MAD1L1: variants seen among roughly 807,000 people sequenced by gnomAD.
MAD1L1 encodes mitotic arrest deficient 1 like 1.
In MAD1L1, 95 loss-of-function variants were observed where a neutral mutation model predicts 96.9. The ratio of observed to expected loss-of-function variants is 0.98; its 90% CI spans 0.83 to 1.16. MAD1L1 has a LOEUF of 1.16. Among genes scored for constraint, MAD1L1 ranks in the 50% most tolerant of loss-of-function variants. The pLI is 0.00. For synonymous variants in MAD1L1, 473 were observed against 396.6 expected (o/e 1.19, Z -2.29); for missense variants, 1,007 against 954.4 (o/e 1.06, Z -0.73).
At chr7:1,843,330 C>CA (rs1783389069) in intron 18 of MAD1L1, among the ~76,000 whole-genome samples, 1 of 152,200 alleles carries the variant, frequency 6.6e-6, no homozygotes, top group Admixed American at 6.5e-5. Context: ...CACATTCAGG[C>CA]AAAGCTGGCC....
chr7:1,881,722 C>A (rs760795415), intron 18 of MAD1L1, among the ~76,000 whole-genome samples: 1 of 152,090 alleles, frequency 6.6e-6, no homozygotes, highest in Non-Finnish European at 1.5e-5. Flanking sequence ...TGTCACAGAC[C>A]CGACTTCACC....
intron 18 of MAD1L1, among the ~76,000 whole-genome samples, chr7:1,872,910 T>TG (rs1030126480): frequency 2.0e-5 from 3 of 151,680 alleles, no homozygotes; most frequent in East Asian, 1.9e-4. Context: ...ACACCCAGGG[T>TG]GGGGGGCGCG....
rs79702390 is a variant in MAD1L1 at position 2,100,037 on chromosome 7, A to C, written c.1074-30699T>G. The stretch of plus-strand genomic sequence containing the variant: ...TTCCTTACACTTCGCCCCCAGCCAC[A>C]CAAAGCCCAAAACCGTCTCAGGGAC... On this transcript the variant is annotated intron_variant, in intron 11 of 18. Transcript: ENST00000265854. 3.4e-3 allele frequency among the ~76,000 whole-genome samples: 521 copies of C among 152,368 alleles called. 2 individuals carry two copies. The highest frequency in any genetic ancestry group is 0.012 in the African/African-American group (498 of 41,592).
chr7:1,889,025 G>C (rs2128436241), intron 18 of MAD1L1, among the ~76,000 whole-genome samples: 1 of 152,328 alleles, frequency 6.6e-6, no homozygotes, highest in African/African-American at 2.4e-5. Context: ...GATCCACTCA[G>C]CGCAATGTGG....
At chr7:2,204,791 C>T (rs1309903945) in intron 10 of MAD1L1, among the ~76,000 whole-genome samples, 1 of 152,200 alleles carries the variant, frequency 6.6e-6, no homozygotes, top group African/African-American at 2.4e-5. Context: ...TCTTGGGTTT[C>T]TCTTAGATTA....
chr7:2,007,688 C>T (rs545889359), intron 13 of MAD1L1, among the ~76,000 whole-genome samples: 69 of 152,066 alleles, frequency 4.5e-4, no homozygotes, highest in Middle Eastern at 3.4e-3. Context: ...CTGTCCCCGC[C>T]AAAAAAAGTT....
chr7:1,900,626 C>A (rs1290121071), intron 17 of MAD1L1, among the ~76,000 whole-genome samples: 1 of 152,158 alleles, frequency 6.6e-6, no homozygotes, highest in African/African-American at 2.4e-5. Flanking sequence ...ATGGGGCTAT[C>A]GGTAGCAGGA....
chr7:1,897,448 A>G (rs751827671), intron 18 of MAD1L1, among the ~76,000 whole-genome samples: 37 of 152,146 alleles, frequency 2.4e-4, no homozygotes, highest in African/African-American at 8.0e-4. Flanking sequence ...CGGGGCCACA[A>G]TGCCACACCA....
intron 17 of MAD1L1, among the ~76,000 whole-genome samples, chr7:1,903,860 G>A (rs1281950412): frequency 3.5e-5 from 5 of 141,902 alleles, no homozygotes; most frequent in African/African-American, 1.1e-4. Flanking sequence ...GTTCCAGGCA[G>A]CGAGGACGCA....
At chr7:1,847,229 C>G (rs6954521) in intron 18 of MAD1L1, 2 of 470,218 alleles carry the variant, frequency 4.3e-6, no homozygotes, top group Non-Finnish European at 4.4e-6. Context: ...CCAACTGACG[C>G]TTGTCCTTTT....
At chr7:1,954,529 C>G (rs981810233) in intron 16 of MAD1L1, among the ~76,000 whole-genome samples, 1 of 152,128 alleles carries the variant, frequency 6.6e-6, no homozygotes, top group African/African-American at 2.4e-5. Flanking sequence ...GGCAGGAGGC[C>G]GTGGCTGCAG....
At chr7:1,972,422 T>G (rs1780445742) in intron 15 of MAD1L1, among the ~76,000 whole-genome samples, 1 of 152,158 alleles carries the variant, frequency 6.6e-6, no homozygotes, top group Non-Finnish European at 1.5e-5. Flanking sequence ...CTTGGTCGAG[T>G]CTGGTGGCTT....
chr7:2,123,611 G>A (rs527877047), intron 11 of MAD1L1, among the ~76,000 whole-genome samples: 21 of 152,274 alleles, frequency 1.4e-4, no homozygotes, highest in African/African-American at 3.4e-4. Flanking sequence ...CATGGGAGGC[G>A]TCAATCCGCT....
In MAD1L1 at chr7:1,868,410, G is replaced by A. The variant is rs575788974; in HGVS notation, c.1998+29790C>T. Among the ~76,000 whole-genome samples, 6 of 152,186 alleles carry A rather than the reference G, an allele frequency of 3.9e-5. No individual in the cohort carries two copies. The South Asian group carries it at 6.2e-4, about 16-fold the overall frequency. ...TTCCCGGGCTGCTCCCACGCAGGCC[G>A]CGCCTCCCGGGCTGCGTGCTGCTGG... On this transcript the variant is annotated intron_variant, in intron 18 of 18. Coordinates refer to ENST00000265854, the MANE Select transcript of MAD1L1 (RefSeq NM_001013836.2).
At chr7:1,818,531 A>G (rs1157281661) in intron 18 of MAD1L1, among the ~76,000 whole-genome samples, 1 of 152,090 alleles carries the variant, frequency 6.6e-6, no homozygotes, top group Non-Finnish European at 1.5e-5. Context: ...GGCATGTGCC[A>G]GCACACCTGG....
intron 17 of MAD1L1, among the ~76,000 whole-genome samples, chr7:1,920,756 C>T (rs1216812226): frequency 2.0e-5 from 3 of 152,218 alleles, no homozygotes; most frequent in Non-Finnish European, 4.4e-5. Flanking sequence ...TGACGGATAC[C>T]CCAAATACCC....
rs945589740 is a variant in MAD1L1 at position 1,871,721 on chromosome 7, A to G, written c.1998+26479T>C. The stretch of plus-strand genomic sequence containing the variant: ...ACCTGCCACGCTGAAGCCAACATAC[A>G]CCTGCCACGCTGAACCCAACATACG... On this transcript the variant is annotated intron_variant, in intron 18 of 18. Coordinates refer to ENST00000265854, the MANE Select transcript of MAD1L1 (RefSeq NM_001013836.2). Among the ~76,000 whole-genome samples, 195 of 135,856 alleles carry G rather than the reference A, an allele frequency of 1.4e-3. 5 individuals carry two copies. The South Asian group carries it at 0.044, about 31-fold the overall frequency. 89.1% of individuals were successfully genotyped at this position (135,856 alleles called of 152,430 possible). A position where few individuals can be genotyped will look rare whatever the true frequency, so the allele number is the denominator to read the frequency against.
chr7:2,063,962 C>T (rs562229942), intron 12 of MAD1L1, among the ~76,000 whole-genome samples: 1 of 152,290 alleles, frequency 6.6e-6, no homozygotes, highest in Admixed American at 6.5e-5. Context: ...AGAATCCCAG[C>T]GAGGACTGCA....
chr7:2,230,030 G>T lies in MAD1L1; in HGVS notation c.104C>A (p.Thr35Asn). 6.2e-7 allele frequency: 1 copy of T among 1,613,770 alleles called. No individual in the cohort carries two copies. The highest frequency in any genetic ancestry group is 8.5e-7 in the Non-Finnish European group (1 of 1,180,000). Residue 35 changes from threonine to asparagine, a missense_variant, in exon 3 of 19, where the codon ACC (threonine) becomes AAC (asparagine). Thr to Asn is a moderately conservative substitution (Grantham distance 65). Coordinates refer to ENST00000265854, the MANE Select transcript of MAD1L1 (RefSeq NM_001013836.2). ...CATCTGCAGAGAACCTGGGGCCGAGGTAGAAATATCCAGTCCAGAGCCTCC... is the reference window on the plus strand; with the variant it reads ...CATCTGCAGAGAACCTGGGGCCGAGTTAGAAATATCCAGTCCAGAGCCTCC... Reference protein sequence around the residue: ...VEGGSGLDISTSAPGSLQMQY... With the variant: ...VEGGSGLDISNSAPGSLQMQY...
Sources: gnomAD v4.1 joint callset for allele counts (sites outside exome capture counted in the v4.1 genomes callset) on GRCh38, gnomAD v4.1.1 for gene constraint, MANE v1.5 for transcripts, NCBI Gene and HGNC (gene_info 2026-07-23, HGNC 2026-07-21) for gene names.